The following STK36 variants were observed in gnomAD, a reference collection of about 807,000 sequenced individuals.
STK36 encodes the protein serine/threonine-protein kinase 36.
Under a neutral mutation model 142.2 loss-of-function variants are expected in STK36, and 116 were observed. The ratio of observed to expected loss-of-function variants is 0.82; its 90% CI spans 0.70 to 0.95. STK36 has a LOEUF of 0.95. Among genes scored for constraint, STK36 ranks in the 40% least tolerant of loss-of-function variants. The probability of loss-of-function intolerance (pLI) is 0.00; values close to 1 mark genes in which losing one functional copy is unlikely to be tolerated. For synonymous variants in STK36, 619 were observed against 641.7 expected (o/e 0.96, Z 0.53); for missense variants, 1,422 against 1,617.2 (o/e 0.88, Z 2.07).
chr2:218,695,981 A>G (rs1941220595), intron 21 of STK36, among the ~76,000 whole-genome samples: 1 of 140,422 alleles, frequency 7.1e-6, no homozygotes, highest in African/African-American at 2.7e-5. Context: ...CTCCTGCCTT[A>G]TCCTCCTGAG....
intron 6 of STK36, among the ~76,000 whole-genome samples, chr2:218,676,977 A>G (rs1425412220): frequency 6.6e-6 from 1 of 150,650 alleles, no homozygotes; most frequent in Non-Finnish European, 1.5e-5. Flanking sequence ...TTTGTTGTCC[A>G]GGCTGGACTG....
chr2:218,697,354 T>C, intron 23 of STK36, 109 bp from the exon 24 acceptor site: 1 of 1,527,694 alleles, frequency 6.5e-7, no homozygotes, highest in African/African-American at 1.4e-5. Flanking sequence ...CTAGAGCTGC[T>C]CTAAGATGGG....
intron 5 of STK36, 144 bp from the exon 6 acceptor site, chr2:218,675,885 G>C: frequency 9.7e-7 from 1 of 1,031,548 alleles, no homozygotes; most frequent in Non-Finnish European, 1.4e-6. Context: ...ACCGGAGCTA[G>C]AGGCTGGGAC....
In STK36 at chr2:218,692,130, TTC is replaced by T. The variant is rs777536278; in HGVS notation, c.1765-8_1765-7del. On this transcript the variant is annotated splice_polypyrimidine_tract_variant and intron_variant, in intron 14 of 26. Coordinates refer to ENST00000295709, the MANE Select transcript of STK36 (RefSeq NM_015690.5). ...TGATGCCCTGATGCTACCTCTGCAC[TTC>T]TCTCCTTTAGTGCTTTACTGTCCTG... The T allele has an allele frequency of 6.2e-7, 1 of 1,612,724 alleles. No individual in the cohort carries two copies.
In STK36 at chr2:218,679,612, A is replaced by G. The variant is rs771028818; in HGVS notation, c.831A>G (p.Leu277=). Reference sequence around the variant, plus strand: ...TGGGGACCCCATTCACCAGCCGCCTACCCCCAGAACTTCAGGTCCTAAAGG... The same window carrying G: ...TGGGGACCCCATTCACCAGCCGCCTGCCCCCAGAACTTCAGGTCCTAAAGG... ...PDLGTPFTSR[L]PPELQVLKDE... The change falls in exon 8 of 27, where the codon CTA becomes CTG. Residue 277 remains leucine, a synonymous_variant. Transcript: ENST00000295709. The G allele has an allele frequency of 6.2e-7, 1 of 1,613,866 alleles. No homozygotes were observed. The highest frequency in any genetic ancestry group is 1.3e-5 in the African/African-American group (1 of 74,864).
chr2:218,679,065 C>A, intron 6 of STK36, 103 bp from the exon 7 acceptor site: 1 of 1,087,140 alleles, frequency 9.2e-7, no homozygotes, highest in Non-Finnish European at 1.4e-6. Context: ...AGCTCATCTG[C>A]TGTGAGGATG....
At chr2:218,698,117 G>C in intron 25 of STK36, 116 bp downstream of exon 25, 1 of 1,421,642 alleles carries the variant, frequency 7.0e-7, no homozygotes, top group East Asian at 2.3e-5. Context: ...GGAACAGCTG[G>C]CTTGACTCAA....
intron 21 of STK36, among the ~76,000 whole-genome samples, chr2:218,696,179 A>G (rs1357917370): frequency 6.6e-6 from 1 of 152,180 alleles, no homozygotes. Flanking sequence ...TATAATTTAT[A>G]AAACATTTTC....
chr2:218,700,657 T>C (rs1424990473), intron 26 of STK36, among the ~76,000 whole-genome samples: 3 of 150,764 alleles, frequency 2.0e-5, no homozygotes, highest in African/African-American at 7.3e-5. Context: ...CGCCTCAGCC[T>C]CCCAAAGTGT....
At chr2:218,675,005 G>A (rs968380976) in intron 4 of STK36, among the ~76,000 whole-genome samples, 8 of 152,104 alleles carry the variant, frequency 5.3e-5, no homozygotes, top group Non-Finnish European at 1.2e-4. Context: ...TATTTACTAT[G>A]TGCCAGGCAC....
At chr2:218,692,959 C>T (rs891586400) in intron 16 of STK36, among the ~76,000 whole-genome samples, 1 of 152,182 alleles carries the variant, frequency 6.6e-6, no homozygotes, top group Non-Finnish European at 1.5e-5. Context: ...GATCTGAAGC[C>T]TCCAGTGATG....
At chr2:218,682,565 T>A (rs1395263869) in intron 10 of STK36, among the ~76,000 whole-genome samples, 2 of 152,190 alleles carry the variant, frequency 1.3e-5, no homozygotes. Flanking sequence ...TGCTCCATGA[T>A]CCAATCCAGT....
At chr2:218,693,214 T>C in intron 16 of STK36, 26 bp from the exon 17 acceptor site, 2 of 1,598,732 alleles carry the variant, frequency 1.3e-6, no homozygotes, top group Non-Finnish European at 1.7e-6. Flanking sequence ...GTGGATAGGA[T>C]TGAGCCTTCA....
chr2:218,700,904 C>T (rs1330113192), intron 26 of STK36, among the ~76,000 whole-genome samples: 1 of 149,742 alleles, frequency 6.7e-6, no homozygotes, highest in Non-Finnish European at 1.5e-5. Flanking sequence ...CCCAGCTTCT[C>T]GGGAGGCTAA....
intron 14 of STK36, 28 bp from the exon 15 acceptor site, chr2:218,692,115 A>C: frequency 1.2e-6 from 2 of 1,603,534 alleles, no homozygotes; most frequent in Non-Finnish European, 1.7e-6. Context: ...TGATGCCCTG[A>C]TGCTACCTCT....
chr2:218,701,387 G>A (rs916251119), intron 26 of STK36, among the ~76,000 whole-genome samples: 4 of 151,566 alleles, frequency 2.6e-5, no homozygotes, highest in South Asian at 2.1e-4. Flanking sequence ...TGACCCGCCC[G>A]CCTTGGCCTC....
rs1941153648 is a variant in STK36, at chr2:218,694,611, A to C, written c.2487A>C (p.Thr829=). ...CCATGGAATGGATGGCTGCAGCCAC[A>C]CATGCCTTGTCTGCCCCTGCAGAGG... ...LQPMEWMAAA[T]HALSAPAEVR... Residue 829 remains threonine, a synonymous_variant, in exon 21 of 27, where the codon ACA becomes ACC. Transcript: ENST00000295709. This position sits in a 1 kb window ranked among gnomAD's most constrained non-coding sequence, Gnocchi z 4.4. The C allele has an allele frequency of 6.2e-7, 1 of 1,614,228 alleles. No individual in the cohort carries two copies.
chr2:218,698,635 G>A lies in STK36; in HGVS notation c.3091G>A (p.Glu1031Lys), dbSNP rs1185116898. 20 of 1,613,984 alleles carry A rather than the reference G, an allele frequency of 1.2e-5. No individual in the cohort carries two copies. Among genetic ancestry groups the A allele is most frequent in the Non-Finnish European group, 1.7e-5 (20 of 1,179,990 alleles). The change falls in exon 26 of 27, where the codon GAG (glutamate) becomes AAG (lysine). Residue 1031 changes from glutamate to lysine, a missense_variant. Physicochemically the swap from Glu to Lys is moderately conservative, Grantham distance 56. Transcript: ENST00000295709. ...CTACCATCTTCCGTTGATGCAAGTGGAGCTGCCCATCAGCCTTCTCACACG... is the reference window on the plus strand; with the variant it reads ...CTACCATCTTCCGTTGATGCAAGTGAAGCTGCCCATCAGCCTTCTCACACG... ...CCYHLPLMQV[E>K]LPISLLTRLA...
intron 10 of STK36, among the ~76,000 whole-genome samples, chr2:218,684,106 CTTTTT>C (rs35807157): frequency 1.9e-5 from 2 of 105,186 alleles, no homozygotes; most frequent in African/African-American, 4.2e-5. Context: ...GCCTCACGAT[CTTTTT>C]TTTTTTTTTT....
Sources: gnomAD v4.1 joint callset for allele counts (sites outside exome capture counted in the v4.1 genomes callset) on GRCh38, gnomAD v4.1.1 for gene constraint, Gnocchi (gnomAD v3.1) non-coding constraint, MANE v1.5 for transcripts, NCBI Gene and HGNC (gene_info 2026-07-23, HGNC 2026-07-21) for gene names.